NOS1: variants seen among roughly 807,000 people sequenced by gnomAD.
The protein encoded by NOS1 is nitric oxide synthase 1, also known as NOS type I.
Under a neutral mutation model 164.5 loss-of-function variants are expected in NOS1, and 51 were observed. The ratio of observed to expected loss-of-function variants is 0.31; its 90% confidence interval spans 0.25 to 0.39. The LOEUF is 0.39. NOS1 is among the 10% of genes least tolerant of loss of function. The probability of loss-of-function intolerance (pLI) is 1.00; values close to 1 mark genes in which losing one functional copy is unlikely to be tolerated. For synonymous variants in NOS1, 719 were observed against 745.8 expected (o/e 0.96, Z 0.59); for missense variants, 1,362 against 1,885.6 (o/e 0.72, Z 5.14).
chr12:117,337,842 G>A (rs752863548), intron 1 of NOS1, among the ~76,000 whole-genome samples: 1 of 152,176 alleles, frequency 6.6e-6, no homozygotes, highest in East Asian at 1.9e-4. Flanking sequence ...ACATTGGGAG[G>A]CTGAGGCAGG....
intron 21 of NOS1, among the ~76,000 whole-genome samples, chr12:117,232,558 T>C (rs1263474689): frequency 1.3e-5 from 2 of 152,132 alleles, no homozygotes. Context: ...GTACTATTAT[T>C]AGTATTTTAT....
chr12:117,312,755 G>A (rs1174549494), intron 2 of NOS1, among the ~76,000 whole-genome samples: 1 of 152,028 alleles, frequency 6.6e-6, no homozygotes, highest in Non-Finnish European at 1.5e-5. Flanking sequence ...TTTATGGAAG[G>A]GGTAAGGGAG....
intron 2 of NOS1, among the ~76,000 whole-genome samples, chr12:117,324,302 G>C (rs1398747550): frequency 6.6e-6 from 1 of 152,184 alleles, no homozygotes; most frequent in Non-Finnish European, 1.5e-5. Flanking sequence ...CAAGAGGGAG[G>C]GGTTATCAGA....
chr12:117,286,336 G>A, intron 5 of NOS1, 70 bp from the exon 6 acceptor site: 1 of 1,525,764 alleles, frequency 6.6e-7, no homozygotes, highest in South Asian at 1.2e-5. Flanking sequence ...GAAGGGGAGA[G>A]CTATTCCAAG....
intron 10 of NOS1, among the ~76,000 whole-genome samples, 190 bp from the exon 11 acceptor site, chr12:117,268,334 G>T (rs41397345): frequency 6.6e-6 from 1 of 151,324 alleles, no homozygotes; most frequent in Non-Finnish European, 1.5e-5. Context: ...GCATTCAAGC[G>T]ATTCTCCTGC....
chr12:117,359,041 G>A (rs372993477), intron 1 of NOS1, among the ~76,000 whole-genome samples: 4 of 152,216 alleles, frequency 2.6e-5, no homozygotes, highest in East Asian at 1.9e-4. Context: ...CTCAATTTCC[G>A]CAGCTGCAAA....
At chr12:117,292,409 C>A (rs1326880917) in intron 3 of NOS1, among the ~76,000 whole-genome samples, 1 of 152,142 alleles carries the variant, frequency 6.6e-6, no homozygotes, top group African/African-American at 2.4e-5. Context: ...AGAAAGGAGG[C>A]AGGGCACTCA....
chr12:117,215,499 C>T (rs957546825), intron 28 of NOS1, among the ~76,000 whole-genome samples, 175 bp from the exon 29 acceptor site: 5 of 151,038 alleles, frequency 3.3e-5, no homozygotes, highest in Non-Finnish European at 5.9e-5. Context: ...TGCAGTGGCA[C>T]GATCCCAGCT....
chr12:117,336,798 CTTCT>C (rs1875841839), intron 1 of NOS1, among the ~76,000 whole-genome samples: 2 of 152,174 alleles, frequency 1.3e-5, no homozygotes, highest in East Asian at 1.9e-4. Flanking sequence ...GCTTTTCACT[CTTCT>C]TTCTTTTTTT....
At chr12:117,304,925 G>A in intron 3 of NOS1, 2 of 790,898 alleles carry the variant, frequency 2.5e-6, no homozygotes, top group Non-Finnish European at 3.1e-6. Flanking sequence ...ATAGTCTCCT[G>A]TGTTAGGAAG....
chr12:117,211,477 C>A lies in NOS1; in HGVS notation c.*3832G>T. On this transcript the variant is annotated 3_prime_UTR_variant, in exon 29 of 29. Transcript: ENST00000317775. ...GTATAACTCCAATCGCCTTAATGTC[C>A]CTTTTTGAAAAACATTCTTAGGGAC... 1 of 984,754 alleles carries A rather than the reference C, an allele frequency of 1.0e-6. No individual in the cohort carries two copies. The highest frequency in any genetic ancestry group is 1.2e-6 in the Non-Finnish European group (1 of 829,402). The allele number at this position is 984,754 out of a possible 1,614,324, so 61.0% of individuals were successfully genotyped here.
Position 117,213,381 on chromosome 12 carries a change from GTGTT to G in NOS1, c.*1924_*1927del. On this transcript the variant is annotated 3_prime_UTR_variant, in exon 29 of 29. Coordinates refer to ENST00000317775, the MANE Select transcript of NOS1 (RefSeq NM_000620.5). ...AGAAGGGGTGAGTGTGGGATGCTAA[GTGTT>G]TGTTCTTTATATCTGTGGAAGAGTG... 2.0e-6 allele frequency: 2 copies of G among 985,508 alleles called. No homozygotes were observed. Among genetic ancestry groups the G allele is most frequent in the Non-Finnish European group, 2.4e-6 (2 of 829,982 alleles). The allele number at this position is 985,508 out of a possible 1,614,324, so 61.0% of individuals were successfully genotyped here.
chr12:117,348,559 T>G (rs926920185), intron 1 of NOS1, among the ~76,000 whole-genome samples: 2 of 152,236 alleles, frequency 1.3e-5, no homozygotes, highest in African/African-American at 4.8e-5. Flanking sequence ...TCCCTTACAA[T>G]GAACTCACTT....
In NOS1 at chr12:117,243,284, T is replaced by G. The variant is rs1224121940; in HGVS notation, c.2962+13A>C. On this transcript the variant is annotated intron_variant, in intron 19 of 28. Transcript: ENST00000317775. The surrounding 1 kb of genome is among the most constrained non-coding windows in gnomAD (Gnocchi z 4.3). ...TGTCACGAATACCTCCCTGGAAGGG[T>G]GGTGGGAGGTACCTTGTGTGAGTTC... The G allele has an allele frequency of 6.2e-7, 1 of 1,613,270 alleles. No homozygotes were observed. Among genetic ancestry groups the G allele is most frequent in the Non-Finnish European group, 8.5e-7 (1 of 1,179,732 alleles).
intron 26 of NOS1, among the ~76,000 whole-genome samples, chr12:117,221,505 A>C (rs1383497906): frequency 6.6e-6 from 1 of 151,564 alleles, no homozygotes; most frequent in Non-Finnish European, 1.5e-5. Context: ...GTTGGTCTCG[A>C]ACTCCTGACC....
chr12:117,210,071 C>T lies in NOS1; in HGVS notation c.*5238G>A, dbSNP rs994663171. ...CACTGTCGCCTCAAACTCCTGGGAC[C>T]AAGTGATCCTCCTGCCTCAGCCTCC... On this transcript the variant is annotated 3_prime_UTR_variant, in exon 29 of 29. Transcript: ENST00000317775. 2 of 784,192 alleles carry T rather than the reference C, an allele frequency of 2.6e-6. No homozygotes were observed. The highest frequency in any genetic ancestry group is 1.9e-5 in the African/African-American group (1 of 53,308). 48.6% of individuals were successfully genotyped at this position (784,192 alleles called of 1,614,324 possible).
intron 19 of NOS1, 94 bp from the exon 20 acceptor site, chr12:117,242,799 C>T: frequency 1.8e-6 from 2 of 1,103,852 alleles, no homozygotes; most frequent in South Asian, 1.3e-5. Context: ...GCCCATAATC[C>T]CAACTACTTA....
At chr12:117,226,807 G>C (rs1184458617) in intron 23 of NOS1, 37 bp from the exon 24 acceptor site, 1 of 1,552,730 alleles carries the variant, frequency 6.4e-7, no homozygotes, top group Admixed American at 1.7e-5. Flanking sequence ...GCCACCCACT[G>C]CTCCCGAGCA....
At chr12:117,230,479 A>G (rs1186063354) in intron 22 of NOS1, among the ~76,000 whole-genome samples, 4 of 152,228 alleles carry the variant, frequency 2.6e-5, no homozygotes, top group Non-Finnish European at 5.9e-5. Flanking sequence ...ATTTATTTTC[A>G]TATTTCTAAA....
Sources: gnomAD v4.1 joint callset for allele counts (sites outside exome capture counted in the v4.1 genomes callset) on GRCh38, gnomAD v4.1.1 for gene constraint, Gnocchi (gnomAD v3.1) non-coding constraint, MANE v1.5 for transcripts, NCBI Gene and HGNC (gene_info 2026-07-23, HGNC 2026-07-21) for gene names.